The following MAGI1 variants were observed in gnomAD, a reference collection of about 807,000 sequenced individuals.
The protein encoded by MAGI1 is membrane-associated guanylate kinase, WW and PDZ domain-containing protein 1.
Under a neutral mutation model 139.9 loss-of-function variants are expected in MAGI1, and 58 were observed. The observed-to-expected ratio is 0.41, with a 90% CI of 0.34 to 0.52. The LOEUF (loss-of-function observed/expected upper bound fraction) is 0.52, where lower values mean the gene tolerates loss of function less well. Among genes scored for constraint, MAGI1 ranks in the 20% least tolerant of loss-of-function variants. The pLI is 0.12. For missense variants in MAGI1, 1,874 were observed against 1,901.6 expected (o/e 0.99, Z 0.27); for synonymous variants, 812 against 737.9 (o/e 1.10, Z -1.63).
At chr3:65,549,443 G>C (rs1368239042) in intron 2 of MAGI1, 1 of 985,290 alleles carries the variant, frequency 1.0e-6, no homozygotes, top group East Asian at 1.1e-4. Context: ...GTTCGCCTCG[G>C]TCACTGCCGG....
At position 66,035,692 on chromosome 3, in the gene MAGI1, C is replaced by A. The variant is rs77246083; in HGVS notation, c.313+2304G>T. Among the ~76,000 whole-genome samples, 366 of 152,248 alleles carry A rather than the reference C, an allele frequency of 2.4e-3. 4 individuals carry two copies. The highest frequency in any genetic ancestry group is 0.015 in the Admixed American group (228 of 15,284). On this transcript the variant is annotated intron_variant, in intron 1 of 22. Transcript: ENST00000402939. Reference sequence around the variant, plus strand: ...TACAAGTAGATTCACGTACATCCATCCATACATACATATACACACACACAC... The same window carrying A: ...TACAAGTAGATTCACGTACATCCATACATACATACATATACACACACACAC...
chr3:65,752,424 A>T (rs747503371), intron 1 of MAGI1, among the ~76,000 whole-genome samples: 10 of 152,248 alleles, frequency 6.6e-5, no homozygotes, highest in Non-Finnish European at 1.3e-4. Context: ...AGTGCTTTAT[A>T]ATTGGTAACC....
intron 4 of MAGI1, 39 bp from the exon 5 acceptor site, chr3:65,470,523 GAA>G (rs111579108): frequency 9.0e-5 from 84 of 933,422 alleles, no homozygotes; most frequent in African/African-American, 1.0e-4. Context: ...GAGAGAGAGA[GAA>G]AAAAAAAAAA....
intron 2 of MAGI1, chr3:65,610,016 A>G (rs1351716732): frequency 2.0e-4 from 3 of 14,644 alleles, no homozygotes; most frequent in African/African-American, 7.6e-4. Flanking sequence ...CCAGACCCTT[A>G]AGTATATAAT....
chr3:65,487,914 T>C (rs1951727982), intron 3 of MAGI1, among the ~76,000 whole-genome samples: 1 of 152,256 alleles, frequency 6.6e-6, no homozygotes, highest in African/African-American at 2.4e-5. Context: ...CATGTGTGGC[T>C]ACTTAAATTT....
At chr3:65,853,812 G>A (rs1454729373) in intron 1 of MAGI1, among the ~76,000 whole-genome samples, 2 of 152,140 alleles carry the variant, frequency 1.3e-5, no homozygotes, top group African/African-American at 2.4e-5. Flanking sequence ...CAATCAAGAA[G>A]TGCCCCGACA....
chr3:65,612,548 AT>A (rs1310537254), intron 2 of MAGI1, among the ~76,000 whole-genome samples: 1 of 152,178 alleles, frequency 6.6e-6, no homozygotes, highest in Non-Finnish European at 1.5e-5. Context: ...TACTTTATTC[AT>A]ATTGTAGTGA....
chr3:65,849,008 T>C (rs1286551538), intron 1 of MAGI1, among the ~76,000 whole-genome samples: 12 of 67,056 alleles, frequency 1.8e-4, no homozygotes, highest in Admixed American at 2.6e-4. Context: ...ATTCTTTTTT[T>C]TTTTTTTTTT....
intron 18 of MAGI1, among the ~76,000 whole-genome samples, chr3:65,374,425 C>G (rs564628432): frequency 7.0e-6 from 1 of 142,050 alleles, no homozygotes; most frequent in African/African-American, 2.6e-5. Flanking sequence ...TCAAGCGATT[C>G]TTCTGCCTCA....
intron 1 of MAGI1, among the ~76,000 whole-genome samples, chr3:65,784,270 C>T (rs1337342100): frequency 2.0e-5 from 3 of 152,162 alleles, no homozygotes; most frequent in South Asian, 4.1e-4. Context: ...TTACCACATT[C>T]CTAGGAGCAA....
chr3:65,891,937 TATATAC>T (rs1425117666), intron 1 of MAGI1, among the ~76,000 whole-genome samples: 6 of 96,660 alleles, frequency 6.2e-5, no homozygotes, highest in African/African-American at 1.9e-4. Context: ...TATATATATA[TATATAC>T]CCGTGTTGCT....
chr3:65,647,016 AAAT>A (rs2085305636), intron 1 of MAGI1, among the ~76,000 whole-genome samples: 1 of 152,140 alleles, frequency 6.6e-6, no homozygotes, highest in Non-Finnish European at 1.5e-5. Flanking sequence ...AGAAAAGGGG[AAAT>A]AATAAGGAAA....
Position 65,357,072 on chromosome 3 carries a change from G to C in MAGI1, c.3695C>G (p.Ala1232Gly), listed in dbSNP as rs772956114. 6.2e-7 allele frequency: 1 copy of C among 1,614,144 alleles called. No homozygotes were observed. The highest frequency in any genetic ancestry group is 8.5e-7 in the Non-Finnish European group (1 of 1,180,030). ...CGGATGCTGCCGGCGGTCGGGCCCG[G>C]CCCTCACTTCCGGAACACCTTGTGG... ...TGPQGVPEVRAGPDRRQHPSL... is the reference protein window; with the variant it reads ...TGPQGVPEVRGGPDRRQHPSL... The change falls in exon 23 of 23, where the codon GCC becomes GGC. Residue 1232 changes from alanine to glycine, a missense_variant. By Grantham distance (60) the Ala-to-Gly change is moderately conservative. Coordinates refer to ENST00000402939, the MANE Select transcript of MAGI1 (RefSeq NM_001033057.2).
chr3:65,703,964 T>A (rs1265058168), intron 1 of MAGI1, among the ~76,000 whole-genome samples: 3 of 152,220 alleles, frequency 2.0e-5, no homozygotes, highest in South Asian at 2.1e-4. Flanking sequence ...TTGCTTAGAA[T>A]TCAGTGAGTT....
chr3:65,499,415 C>T (rs2076998364), intron 2 of MAGI1, among the ~76,000 whole-genome samples: 1 of 152,070 alleles, frequency 6.6e-6, no homozygotes, highest in South Asian at 2.1e-4. Context: ...TTTGGGAGGC[C>T]GAGGTGGCCA....
intron 1 of MAGI1, among the ~76,000 whole-genome samples, chr3:66,003,612 A>T (rs1174444005): frequency 6.6e-6 from 1 of 151,854 alleles, no homozygotes; most frequent in Non-Finnish European, 1.5e-5. Context: ...CACACACCAC[A>T]ACACCCAGTT....
chr3:66,023,939 T>G (rs1166710111), intron 1 of MAGI1, among the ~76,000 whole-genome samples: 4 of 152,108 alleles, frequency 2.6e-5, no homozygotes, highest in African/African-American at 7.2e-5. Context: ...GCTGTCAAAA[T>G]ATGCTCTCTC....
intron 1 of MAGI1, among the ~76,000 whole-genome samples, chr3:65,987,378 A>G (rs574945008): frequency 1.1e-4 from 17 of 152,326 alleles, no homozygotes; most frequent in Non-Finnish European, 2.5e-4. Flanking sequence ...GGATTAAATC[A>G]AAGACATAAC....
rs1942476843 is a variant in MAGI1 at position 65,375,940 on chromosome 3, C to A, written c.3001G>T (p.Ala1001Ser). 6.2e-7 allele frequency: 1 copy of A among 1,611,846 alleles called. No individual in the cohort carries two copies. ...RPEAGTTFGN[A>S]CVAMPHKIGR... ...ATTTTGTGAGGCATAGCCACACATG[C>A]ATTGCCTGCTTTGATATTGAGTTTT... Residue 1001 changes from alanine (A) to serine (S), a missense_variant, in exon 18 of 23, where the codon GCA becomes TCA. Ala to Ser is a moderately conservative substitution (Grantham distance 99). Around this residue, in one of 5 missense-constraint regions of MAGI1, gnomAD observed 653 missense variants for 644.5 expected, o/e 1.01. Transcript: ENST00000402939.
Sources: allele counts gnomAD v4.1 joint callset (sites outside exome capture counted in the v4.1 genomes callset), GRCh38; gene constraint gnomAD v4.1.1; regional missense constraint gnomAD v4.1.1; transcripts MANE v1.5; gene names NCBI Gene and HGNC (gene_info 2026-07-23, HGNC 2026-07-21).